The following KCNB2 variants were observed in gnomAD, a reference collection of about 807,000 sequenced individuals.
The protein encoded by KCNB2 is delayed rectifier potassium channel protein.
In KCNB2, 15 loss-of-function variants were observed where a neutral mutation model predicts 61.5. The observed-to-expected ratio is 0.24, with a 90% confidence interval of 0.16 to 0.38. The LOEUF (loss-of-function observed/expected upper bound fraction) is 0.38. Among genes scored for constraint, KCNB2 ranks in the 10% least tolerant of loss-of-function variants. The pLI is 1.00. For synonymous variants in KCNB2, 457 were observed against 446.0 expected (o/e 1.02, Z -0.31); for missense variants, 828 against 1,125.2 (o/e 0.74, Z 3.78).
chr8:72,852,378 A>G (rs1251468120), intron 2 of KCNB2, among the ~76,000 whole-genome samples: 2 of 152,164 alleles, frequency 1.3e-5, no homozygotes, highest in Admixed American at 1.3e-4. Flanking sequence ...CATTTCTACT[A>G]CTTTTCCACT....
At chr8:72,730,840 A>G (rs1488394008) in intron 2 of KCNB2, among the ~76,000 whole-genome samples, 1 of 152,210 alleles carries the variant, frequency 6.6e-6, no homozygotes, top group Non-Finnish European at 1.5e-5. Context: ...TATTTTTAAG[A>G]AATTGTTCAG....
chr8:72,599,652 A>C (rs1807258462), intron 2 of KCNB2, among the ~76,000 whole-genome samples: 1 of 152,230 alleles, frequency 6.6e-6, no homozygotes, highest in African/African-American at 2.4e-5. Flanking sequence ...CATCAGAGTG[A>C]ACAGGCAACC....
chr8:72,855,958 G>A (rs1422317790), intron 2 of KCNB2, among the ~76,000 whole-genome samples: 4 of 152,138 alleles, frequency 2.6e-5, no homozygotes, highest in African/African-American at 9.7e-5. Context: ...CTAATACAAT[G>A]TAAATGCTCT....
intron 2 of KCNB2, among the ~76,000 whole-genome samples, chr8:72,898,269 A>G (rs1011264804): frequency 6.6e-6 from 1 of 151,834 alleles, no homozygotes; most frequent in African/African-American, 2.4e-5. Context: ...AGGAAGGGGA[A>G]CATCACACAC....
At chr8:72,922,202 T>C (rs888783092) in intron 2 of KCNB2, among the ~76,000 whole-genome samples, 4 of 152,354 alleles carry the variant, frequency 2.6e-5, no homozygotes, top group South Asian at 2.1e-4. Context: ...GTTACATGGC[T>C]ATCTGCCCTC....
intron 2 of KCNB2, among the ~76,000 whole-genome samples, chr8:72,584,085 T>TCAAAA (rs1042958125): frequency 5.3e-5 from 8 of 150,264 alleles, no homozygotes; most frequent in African/African-American, 9.8e-5. Context: ...TTTAGTGCTG[T>TCAAAA]CAAAACAAAA....
At chr8:72,838,655 T>C (rs997688465) in intron 2 of KCNB2, among the ~76,000 whole-genome samples, 5 of 152,192 alleles carry the variant, frequency 3.3e-5, no homozygotes, top group African/African-American at 1.2e-4. Flanking sequence ...TCAAATGGTA[T>C]TTGTAGTTCT....
intron 2 of KCNB2, among the ~76,000 whole-genome samples, chr8:72,586,538 A>T (rs2079344279): frequency 6.6e-6 from 1 of 152,220 alleles, no homozygotes; most frequent in African/African-American, 2.4e-5. Flanking sequence ...TGATAGCCTG[A>T]TAGTGCAGAA....
rs1563571830 is a variant in KCNB2 at position 72,725,527 on chromosome 8, A to ATATATATGTG, written c.579+157221_579+157222insGTGTATATAT. On this transcript the variant is annotated intron_variant, in intron 2 of 2. Coordinates refer to ENST00000523207, the MANE Select transcript of KCNB2 (RefSeq NM_004770.3). Reference sequence around the variant, plus strand: ...TTTGTCTTCATATATATATATATATATATATATATATATGTGTGTATATAT... The same window carrying ATATATATGTG: ...TTTGTCTTCATATATATATATATATATATATATGTGTATATATATATATGTGTGTATATAT... Among the ~76,000 whole-genome samples the ATATATATGTG allele has an allele frequency of 7.1e-3, 647 of 90,666 alleles. 11 individuals carry two copies. The highest frequency in any genetic ancestry group is 0.029 in the African/African-American group (609 of 20,864). The allele number at this position is 90,666 out of a possible 152,430, so 59.5% of individuals were successfully genotyped here.
intron 2 of KCNB2, among the ~76,000 whole-genome samples, chr8:72,770,311 G>A (rs557431824): frequency 6.6e-6 from 1 of 152,226 alleles, no homozygotes; most frequent in East Asian, 1.9e-4. Flanking sequence ...AGACTGTAAT[G>A]GTATTGGATG....
intron 2 of KCNB2, among the ~76,000 whole-genome samples, chr8:72,892,582 A>T (rs1260302490): frequency 6.6e-6 from 1 of 152,056 alleles, no homozygotes; most frequent in Non-Finnish European, 1.5e-5. Context: ...GACCATCCAT[A>T]TTTTGTAGAT....
At chr8:72,915,329 C>G (rs1806373971) in intron 2 of KCNB2, among the ~76,000 whole-genome samples, 1 of 152,190 alleles carries the variant, frequency 6.6e-6, no homozygotes, top group Admixed American at 6.5e-5. Context: ...CACATCCACT[C>G]TATCCCAAAC....
intron 2 of KCNB2, among the ~76,000 whole-genome samples, chr8:72,577,975 T>A (rs912782564): frequency 5.3e-5 from 8 of 152,226 alleles, no homozygotes; most frequent in Admixed American, 4.6e-4. Context: ...AAATATAGAT[T>A]TTTTAAAACA....
At position 72,862,932 on chromosome 8, in the gene KCNB2, C is replaced by T. The variant is rs188836736; in HGVS notation, c.580-73003C>T. 7.0e-4 allele frequency among the ~76,000 whole-genome samples: 106 copies of T among 152,246 alleles called. No individual in the cohort carries two copies. The Middle Eastern group carries it at 0.014, about 20-fold the overall frequency. On this transcript the variant is annotated intron_variant, in intron 2 of 2. Coordinates refer to ENST00000523207, the MANE Select transcript of KCNB2 (RefSeq NM_004770.3). ...CTTTATCTATGAGAAAACTAAAGTT[C>T]GGAGACATTAAGCCACCCAACCAAA... is the stretch of plus-strand genomic sequence containing the variant.
At chr8:72,637,594 C>T (rs1483990128) in intron 2 of KCNB2, among the ~76,000 whole-genome samples, 1 of 152,102 alleles carries the variant, frequency 6.6e-6, no homozygotes, top group East Asian at 1.9e-4. Flanking sequence ...CGAAGATACG[C>T]CCCACCGTCA....
intron 2 of KCNB2, among the ~76,000 whole-genome samples, chr8:72,765,709 T>A (rs1290016173): frequency 6.6e-6 from 1 of 152,182 alleles, no homozygotes; most frequent in Non-Finnish European, 1.5e-5. Context: ...ACATAGGTAA[T>A]GAATGCTATA....
At chr8:72,584,166 G>A (rs905057296) in intron 2 of KCNB2, among the ~76,000 whole-genome samples, 1 of 151,544 alleles carries the variant, frequency 6.6e-6, no homozygotes, top group Non-Finnish European at 1.5e-5. Flanking sequence ...AGTAAAACCA[G>A]GCACAGACAG....
At chr8:72,807,802 TGAAA>T (rs1424024254) in intron 2 of KCNB2, among the ~76,000 whole-genome samples, 3 of 152,154 alleles carry the variant, frequency 2.0e-5, no homozygotes, top group Non-Finnish European at 2.9e-5. Flanking sequence ...TAATAATAAA[TGAAA>T]GAAAGAAATG....
At chr8:72,651,317 G>T (rs1362134051) in intron 2 of KCNB2, among the ~76,000 whole-genome samples, 1 of 152,070 alleles carries the variant, frequency 6.6e-6, no homozygotes, top group African/African-American at 2.4e-5. Flanking sequence ...TTCAATGAGG[G>T]CCTAGGGAGG....
Sources: allele counts gnomAD v4.1 joint callset (sites outside exome capture counted in the v4.1 genomes callset), GRCh38; gene constraint gnomAD v4.1.1; transcripts MANE v1.5; gene names NCBI Gene and HGNC (gene_info 2026-07-23, HGNC 2026-07-21).